EML1: variants seen among roughly 807,000 people sequenced by gnomAD.
The protein encoded by EML1 is EMAP like 1.
In EML1, 27 loss-of-function variants were observed where a neutral mutation model predicts 110.4. The ratio of observed to expected loss-of-function variants is 0.24; its 90% confidence interval spans 0.18 to 0.34. EML1 has a LOEUF of 0.34. EML1 is among the 10% of genes least tolerant of loss of function. EML1 has a pLI of 1.00. For missense variants in EML1, 741 were observed against 1,030.9 expected, an observed-to-expected ratio of 0.72 and a Z score of 3.85; for synonymous variants, 344 against 385.8, an observed-to-expected ratio of 0.89 and a Z score of 1.27.
rs1210669175 is a variant in EML1, at chr14:99,850,979, G to A, written c.194G>A (p.Arg65Gln). ...TCAGCTCTAGCTGATGTGGTTCGGC[G>A]GCTGAACATTACTGAGGAACAGCAG... ...LKSALADVVR[R>Q]LNITEEQQAV... Residue 65 changes from arginine to glutamine, a missense_variant, in exon 2 of 22, where the codon CGG (arginine) becomes CAG (glutamine). Transcript: ENST00000262233. 23 of 1,613,972 alleles carry A rather than the reference G, an allele frequency of 1.4e-5. No homozygotes were observed. Among genetic ancestry groups the A allele is most frequent in the African/African-American group, 9.3e-5 (7 of 74,876 alleles).
chr14:99,804,781 T>G (rs2057941257), intron 1 of EML1, among the ~76,000 whole-genome samples: 1 of 152,208 alleles, frequency 6.6e-6, no homozygotes. Flanking sequence ...CTGTTTTTCT[T>G]CAAATCCTAC....
intron 9 of EML1, among the ~76,000 whole-genome samples, chr14:99,902,395 T>G (rs1185516910): frequency 1.3e-5 from 2 of 152,330 alleles, no homozygotes; most frequent in East Asian, 3.9e-4. Flanking sequence ...CAGAGATCAC[T>G]GGTTGGTTCA....
At chr14:99,883,836 A>G (rs2059429727) in intron 4 of EML1, among the ~76,000 whole-genome samples, 1 of 152,342 alleles carries the variant, frequency 6.6e-6, no homozygotes, top group East Asian at 1.9e-4. Flanking sequence ...ACGTTTAAGT[A>G]CCAAACAAGT....
chr14:99,908,647 G>A (rs746035590), intron 10 of EML1, among the ~76,000 whole-genome samples: 1 of 152,240 alleles, frequency 6.6e-6, no homozygotes, highest in Non-Finnish European at 1.5e-5. Flanking sequence ...AGTGATCAGA[G>A]CCCAATCCAG....
intron 1 of EML1, among the ~76,000 whole-genome samples, chr14:99,800,355 TTTAA>T (rs975816864): frequency 6.6e-6 from 1 of 151,936 alleles, no homozygotes; most frequent in African/African-American, 2.4e-5. Flanking sequence ...TTTTTTTAAG[TTTAA>T]TTAATTATTT....
At chr14:99,804,093 C>A (rs2057930148) in intron 1 of EML1, among the ~76,000 whole-genome samples, 1 of 152,238 alleles carries the variant, frequency 6.6e-6, no homozygotes, top group Non-Finnish European at 1.5e-5. Context: ...GCCCACACTC[C>A]ACTGCTCCCA....
intron 12 of EML1, among the ~76,000 whole-genome samples, chr14:99,910,930 A>C (rs891896890): frequency 6.6e-6 from 1 of 152,174 alleles, no homozygotes; most frequent in Non-Finnish European, 1.5e-5. Context: ...TTAGAGTTTG[A>C]ATTGGGGCTG....
chr14:99,811,289 A>G (rs1595319947), intron 1 of EML1, among the ~76,000 whole-genome samples: 1 of 151,796 alleles, frequency 6.6e-6, no homozygotes, highest in African/African-American at 2.4e-5. Flanking sequence ...CAAGTGATCC[A>G]CCCACGTCGG....
chr14:99,835,793 T>C (rs980891326), intron 1 of EML1, among the ~76,000 whole-genome samples: 2 of 152,228 alleles, frequency 1.3e-5, no homozygotes, highest in Non-Finnish European at 2.9e-5. Flanking sequence ...TTGCTGAAAA[T>C]ACTCTTCTTT....
At chr14:99,753,481 T>C (rs1253830218) in intron 1 of EML1, among the ~76,000 whole-genome samples, 1 of 151,810 alleles carries the variant, frequency 6.6e-6, no homozygotes, top group Non-Finnish European at 1.5e-5. Flanking sequence ...TCTCACCTGG[T>C]GCCTGTCAGC....
intron 1 of EML1, among the ~76,000 whole-genome samples, chr14:99,757,319 A>AT (rs1385823608): frequency 3.3e-5 from 5 of 151,636 alleles, no homozygotes; most frequent in African/African-American, 7.3e-5. Context: ...AGCCTGGGCG[A>AT]CAGAGCACGA....
chr14:99,930,646 C>A (rs1245986353), intron 17 of EML1, among the ~76,000 whole-genome samples: 1 of 152,202 alleles, frequency 6.6e-6, no homozygotes, highest in Non-Finnish European at 1.5e-5. Flanking sequence ...AATACAGAAG[C>A]TTCATAGTGA....
chr14:99,792,106 C>A (rs1156334367), upstream of EML1, among the ~76,000 whole-genome samples: 1 of 152,232 alleles, frequency 6.6e-6, no homozygotes, highest in East Asian at 1.9e-4. Flanking sequence ...CTAACCCATG[C>A]ACTAACCGTG....
intron 17 of EML1, among the ~76,000 whole-genome samples, chr14:99,928,790 C>G (rs1344108741): frequency 1.3e-5 from 2 of 152,160 alleles, no homozygotes; most frequent in Non-Finnish European, 2.9e-5. Context: ...TTCGTTGTCT[C>G]TGAACCACGT....
chr14:99,738,046 C>T (rs1356118449), intron 1 of EML1, among the ~76,000 whole-genome samples: 2 of 152,318 alleles, frequency 1.3e-5, no homozygotes, highest in South Asian at 2.1e-4. Flanking sequence ...AGCTGGGTTC[C>T]GCCACACCCC....
intron 13 of EML1, among the ~76,000 whole-genome samples, chr14:99,913,351 A>G (rs1361573473): frequency 1.3e-5 from 2 of 151,494 alleles, no homozygotes; most frequent in East Asian, 3.9e-4. Context: ...TTTTTTTTGT[A>G]TTTTTGGTAG....
At chr14:99,798,592 A>T (rs1369794212) in intron 1 of EML1, among the ~76,000 whole-genome samples, 1 of 151,988 alleles carries the variant, frequency 6.6e-6, no homozygotes, top group Admixed American at 6.5e-5. Context: ...GGGTTTCACC[A>T]TGTTGGCCAG....
upstream of EML1, among the ~76,000 whole-genome samples, chr14:99,770,286 G>T (rs1379403452): frequency 6.6e-6 from 1 of 152,130 alleles, no homozygotes; most frequent in African/African-American, 2.4e-5. Context: ...TGTCTTCCTG[G>T]TTCACAGACA....
intron 1 of EML1, among the ~76,000 whole-genome samples, chr14:99,755,124 T>C (rs1249111425): frequency 6.6e-6 from 1 of 152,260 alleles, no homozygotes; most frequent in Non-Finnish European, 1.5e-5. Context: ...TTATCTTTCC[T>C]GGCAAAGCTG....
Sources: allele counts gnomAD v4.1 joint callset (sites outside exome capture counted in the v4.1 genomes callset), GRCh38; gene constraint gnomAD v4.1.1; transcripts MANE v1.5; gene names NCBI Gene and HGNC (gene_info 2026-07-23, HGNC 2026-07-21).